The following SIN3A variants were observed in gnomAD, a reference collection of about 807,000 sequenced individuals.
SIN3A encodes paired amphipathic helix protein Sin3a.
In SIN3A, 14 loss-of-function variants were observed where a neutral mutation model predicts 146.1. The ratio of observed to expected loss-of-function variants is 0.10; its 90% CI spans 0.06 to 0.15. The LOEUF (loss-of-function observed/expected upper bound fraction) is 0.15. Ranked by LOEUF, SIN3A falls within the 10% of genes least tolerant of loss-of-function variation. SIN3A has a pLI of 1.00. For synonymous variants in SIN3A, 572 were observed against 572.0 expected (o/e 1.00, Z 0.00); for missense variants, 1,028 against 1,576.0 (o/e 0.65, Z 5.89).
rs2141426295 is a variant in SIN3A at position 75,392,719 on chromosome 15, C to T, written c.2374G>A (p.Ala792Thr). The T allele has an allele frequency of 6.2e-7, 1 of 1,614,170 alleles. No individual in the cohort carries two copies. Among genetic ancestry groups the T allele is most frequent in the Non-Finnish European group, 8.5e-7 (1 of 1,180,004 alleles). ...CTCTTCACATGGTGGATAATCAGAG[C>T]AGCAGCATCTTCCAGTATTTGTTTG... ...EDKQILEDAA[A>T]LIIHHVKRQT... Residue 792 changes from alanine (A) to threonine (T), a missense_variant, in exon 15 of 21, where the codon GCT becomes ACT. Transcript: ENST00000394947.
intron 1 of SIN3A, among the ~76,000 whole-genome samples, chr15:75,439,469 T>C (rs751672305): frequency 7.2e-5 from 11 of 151,970 alleles, no homozygotes; most frequent in Non-Finnish European, 1.6e-4. Context: ...GCCTCCCAAG[T>C]AACTGGGACT....
At chr15:75,385,774 A>C (rs2073064459) in intron 16 of SIN3A, among the ~76,000 whole-genome samples, 1 of 152,210 alleles carries the variant, frequency 6.6e-6, no homozygotes, top group Non-Finnish European at 1.5e-5. Flanking sequence ...TTAGTAGATA[A>C]CTGGACACAG....
chr15:75,411,696 TG>T lies in SIN3A; in HGVS notation c.803del (p.Pro268HisfsTer19). On this transcript the variant is annotated frameshift_variant, in exon 6 of 21. Coordinates refer to ENST00000394947, the MANE Select transcript of SIN3A (RefSeq NM_001145358.2). LOFTEE classifies it high-confidence loss of function. The part of the protein sequence containing the change: ...AHTPASQQTP[P>X]LPPYASPRSP... The stretch of plus-strand genomic sequence containing the variant: ...AACGTGGGGATGCATACGGTGGAAG[TG>T]GGGGAGTCTGCTGACTGGCCGGAGT... The T allele has an allele frequency of 6.2e-7, 1 of 1,612,672 alleles. No individual in the cohort carries two copies. Among genetic ancestry groups the T allele is most frequent in the Non-Finnish European group, 8.5e-7 (1 of 1,178,996 alleles).
chr15:75,440,657 A>ACACAG (rs1433644697), intron 1 of SIN3A, among the ~76,000 whole-genome samples: 1 of 152,170 alleles, frequency 6.6e-6, no homozygotes, highest in Non-Finnish European at 1.5e-5. Flanking sequence ...TGAACTTGGA[A>ACACAG]CACAGCCATT....
At position 75,371,330 on chromosome 15, in the gene SIN3A, A is replaced by C. The variant is rs2072747760; in HGVS notation, c.*649T>G. 1 of 152,560 alleles carries C rather than the reference A, an allele frequency of 6.6e-6. No individual in the cohort carries two copies. The highest frequency in any genetic ancestry group is 6.5e-5 in the Admixed American group (1 of 15,270). The allele number at this position is 152,560 out of a possible 1,614,324, so 9.5% of individuals were successfully genotyped here. ...GAGCTAAAAAGGACAACTGATTTGAACTCGTTGAGGTTGAGAACCAGAGGA... is the reference window on the plus strand; with the variant it reads ...GAGCTAAAAAGGACAACTGATTTGACCTCGTTGAGGTTGAGAACCAGAGGA... On this transcript the variant is annotated 3_prime_UTR_variant, in exon 21 of 21. Transcript: ENST00000394947.
At chr15:75,428,458 T>G (rs1357463547) in intron 2 of SIN3A, among the ~76,000 whole-genome samples, 1 of 152,200 alleles carries the variant, frequency 6.6e-6, no homozygotes, top group Non-Finnish European at 1.5e-5. Context: ...GGACTACAGA[T>G]GCACACCACT....
intron 2 of SIN3A, among the ~76,000 whole-genome samples, chr15:75,426,854 C>G (rs1467183896): frequency 6.6e-6 from 1 of 151,472 alleles, no homozygotes; most frequent in Admixed American, 6.6e-5. Flanking sequence ...ATTGCTTGAG[C>G]CCAGGAGGTG....
intron 1 of SIN3A, among the ~76,000 whole-genome samples, chr15:75,440,625 A>G (rs1303678044): frequency 6.6e-6 from 1 of 152,184 alleles, no homozygotes; most frequent in Non-Finnish European, 1.5e-5. Context: ...AATGCAACCA[A>G]GTACTCATCA....
chr15:75,430,101 AAC>A (rs1347525114), intron 2 of SIN3A, 84 bp downstream of exon 2: 1 of 971,340 alleles, frequency 1.0e-6, no homozygotes, highest in East Asian at 2.5e-5. Context: ...TTTAATATCT[AAC>A]ACAGTATTAA....
Position 75,372,162 on chromosome 15 carries a change from C to A in SIN3A, c.3639G>T (p.Trp1213Cys). ...SKRLHQRFQA[W>C]VDKWTKEHVP... ...CATGCTCCTTGGTCCATTTATCTACCCAGGCCTGGAATCTCTGATGTAGAC... is the reference window on the plus strand; with the variant it reads ...CATGCTCCTTGGTCCATTTATCTACACAGGCCTGGAATCTCTGATGTAGAC... The change falls in exon 21 of 21, where the codon TGG (tryptophan) becomes TGT (cysteine). Residue 1213 changes from tryptophan (W) to cysteine (C), a missense_variant. Around this residue, in one of 9 missense-constraint regions of SIN3A, gnomAD observed 488 missense variants for 690.2 expected, o/e 0.71. Transcript: ENST00000394947. 1 of 1,614,044 alleles carries A rather than the reference C, an allele frequency of 6.2e-7. No homozygotes were observed. Among genetic ancestry groups the A allele is most frequent in the Non-Finnish European group, 8.5e-7 (1 of 1,179,982 alleles).
intron 1 of SIN3A, among the ~76,000 whole-genome samples, chr15:75,434,841 G>C (rs140251449): frequency 1.4e-5 from 2 of 144,230 alleles, no homozygotes; most frequent in African/African-American, 5.2e-5. Context: ...CCAGCTACTC[G>C]AGAGGCTGAG....
chr15:75,411,622 G>A lies in SIN3A; in HGVS notation c.878C>T (p.Ala293Val), dbSNP rs2073639676. 2 of 1,614,082 alleles carry A rather than the reference G, an allele frequency of 1.2e-6. No individual in the cohort carries two copies. Among genetic ancestry groups the A allele is most frequent in the East Asian group, 2.2e-5 (1 of 44,900 alleles). The change falls in exon 6 of 21, where the codon GCC (alanine) becomes GTC (valine). Residue 293 changes from alanine (A) to valine (V), a missense_variant. Coordinates refer to ENST00000394947, the MANE Select transcript of SIN3A (RefSeq NM_001145358.2). ...AGGTTGATTGTTCTGCAAGGATGGG[G>A]CCGTTCCCAACGAGATTGTCACTGG... is the stretch of plus-strand genomic sequence containing the variant. ...HTPVTISLGT[A>V]PSLQNNQPVE... is the part of the protein sequence containing the mutation.
chr15:75,436,818 A>G (rs752842875), intron 1 of SIN3A, among the ~76,000 whole-genome samples: 36 of 152,146 alleles, frequency 2.4e-4, no homozygotes, highest in Non-Finnish European at 4.6e-4. Context: ...AGTGGAAAAA[A>G]TAAGTACTAT....
chr15:75,410,416 G>A (rs768073923), intron 6 of SIN3A, 130 bp from the exon 7 acceptor site: 79 of 807,076 alleles, frequency 9.8e-5, no homozygotes, highest in Non-Finnish European at 1.3e-4. Context: ...CTTAGCACCC[G>A]TTCTGACCAC....
intron 16 of SIN3A, among the ~76,000 whole-genome samples, chr15:75,389,373 G>A (rs1266835357): frequency 6.6e-6 from 1 of 152,064 alleles, no homozygotes; most frequent in African/African-American, 2.4e-5. Context: ...ACCCATGGCA[G>A]ACAAGGTAAG....
At chr15:75,402,142 C>T (rs1001289229) in intron 9 of SIN3A, among the ~76,000 whole-genome samples, 172 bp from the exon 10 acceptor site, 1 of 151,992 alleles carries the variant, frequency 6.6e-6, no homozygotes, top group African/African-American at 2.4e-5. Flanking sequence ...GCCACCATGC[C>T]TGGCTAATTT....
chr15:75,421,012 A>T (rs1472981059), intron 3 of SIN3A: 1 of 152,254 alleles, frequency 6.6e-6, no homozygotes, highest in African/African-American at 2.4e-5. Context: ...ATATACTTAT[A>T]CCAAAGAGTC....
At chr15:75,427,222 A>T (rs559626940) in intron 2 of SIN3A, among the ~76,000 whole-genome samples, 8 of 152,226 alleles carry the variant, frequency 5.3e-5, no homozygotes, top group Admixed American at 5.2e-4. Context: ...AAAATACAAA[A>T]ATTAGCCGGG....
At chr15:75,454,174 C>T (rs2074453661), upstream of SIN3A, among the ~76,000 whole-genome samples, 1 of 152,132 alleles carries the variant, frequency 6.6e-6, no homozygotes, top group African/African-American at 2.4e-5. Context: ...AAAAAAAATC[C>T]TAGCAACTTA....
Sources: allele counts gnomAD v4.1 joint callset (sites outside exome capture counted in the v4.1 genomes callset), GRCh38; gene constraint gnomAD v4.1.1; regional missense constraint gnomAD v4.1.1; transcripts MANE v1.5; gene names NCBI Gene and HGNC (gene_info 2026-07-23, HGNC 2026-07-21).